Variants in SNX14 observed in about 807,000 individuals in gnomAD.
SNX14 encodes sorting nexin-14.
SNX14 carries 93 observed loss-of-function variants against 133.8 expected under a neutral mutation model. The ratio of observed to expected loss-of-function variants is 0.70; its 90% CI spans 0.59 to 0.83. SNX14 has a LOEUF of 0.83. Among genes scored for constraint, SNX14 ranks in the 40% least tolerant of loss-of-function variants. The pLI, the probability that SNX14 is intolerant of heterozygous loss-of-function variation, is 0.00. For missense variants in SNX14, 945 were observed against 1,094.9 expected, an observed-to-expected ratio of 0.86 and a Z score of 1.93; for synonymous variants, 368 against 365.6, an observed-to-expected ratio of 1.01 and a Z score of -0.07.
Position 85,574,327 on chromosome 6 carries a change from T to A in SNX14, c.192A>T (p.Thr64=), listed in dbSNP as rs772325445. Residue 64 remains threonine, a synonymous_variant, in exon 2 of 29, where the codon ACA becomes ACT. Transcript: ENST00000314673. ...AATCAGGTCCTAGTGAGCAGTAGAA[T>A]GTGACAACTCCAGCAACAAATGACC... The part of the protein sequence containing the change: ...IFWSFVAGVV[T]FYCSLGPDSL... The A allele has an allele frequency of 1.9e-6, 3 of 1,588,046 alleles. No individual in the cohort carries two copies. Among genetic ancestry groups the A allele is most frequent in the Non-Finnish European group, 2.6e-6 (3 of 1,158,638 alleles).
intron 1 of SNX14, among the ~76,000 whole-genome samples, chr6:85,590,494 C>G (rs1802448645): frequency 6.6e-6 from 1 of 152,182 alleles, no homozygotes; most frequent in Non-Finnish European, 1.5e-5. Flanking sequence ...ATATTTAATA[C>G]TTTCTCCTCA....
At chr6:85,527,511 T>C (rs1042696752) in intron 20 of SNX14, among the ~76,000 whole-genome samples, 8 of 152,104 alleles carry the variant, frequency 5.3e-5, no homozygotes, top group African/African-American at 1.9e-4. Flanking sequence ...TCTTTTTGGC[T>C]AGGAAGCATC....
Position 85,505,942 on chromosome 6 carries a change from G to A in SNX14, c.*25C>T, listed in dbSNP as rs1300396942. 2.5e-6 allele frequency: 4 copies of A among 1,569,230 alleles called. No individual in the cohort carries two copies. Among genetic ancestry groups the A allele is most frequent in the Non-Finnish European group, 3.5e-6 (4 of 1,140,074 alleles). ...CCTCGCACAGCAGAAATTTCAATGGGTTATTCTATACCAAATCCAAGTGTT... is the reference window on the plus strand; with the variant it reads ...CCTCGCACAGCAGAAATTTCAATGGATTATTCTATACCAAATCCAAGTGTT... On this transcript the variant is annotated 3_prime_UTR_variant, in exon 29 of 29. Transcript: ENST00000314673.
intron 4 of SNX14, among the ~76,000 whole-genome samples, chr6:85,570,562 A>G (rs1471782721): frequency 6.6e-6 from 1 of 152,214 alleles, no homozygotes; most frequent in Non-Finnish European, 1.5e-5. Context: ...AATATAAAAA[A>G]TGAGATACTT....
At chr6:85,506,900 A>T (rs1770900521) in intron 28 of SNX14, among the ~76,000 whole-genome samples, 1 of 152,196 alleles carries the variant, frequency 6.6e-6, no homozygotes, top group Non-Finnish European at 1.5e-5. Context: ...TGACTTACAC[A>T]GCATACAATG....
chr6:85,539,239 C>G (rs1782856739), intron 15 of SNX14, among the ~76,000 whole-genome samples: 1 of 152,048 alleles, frequency 6.6e-6, no homozygotes, highest in Admixed American at 6.5e-5. Flanking sequence ...TTTCTTTGTC[C>G]TTAGGCATAC....
chr6:85,570,199 C>G (rs930008374), intron 4 of SNX14, among the ~76,000 whole-genome samples: 69 of 152,196 alleles, frequency 4.5e-4, no homozygotes, highest in Non-Finnish European at 1.2e-4. Flanking sequence ...CTTTTAATCA[C>G]TAGGGCCTAG....
chr6:85,514,699 T>A, intron 23 of SNX14, 70 bp from the exon 24 acceptor site: 1 of 1,487,230 alleles, frequency 6.7e-7, no homozygotes, highest in Non-Finnish European at 9.2e-7. Flanking sequence ...TCAATAAGGA[T>A]TAAGTGTCAC....
chr6:85,591,896 C>T (rs1460981208), intron 1 of SNX14, among the ~76,000 whole-genome samples: 6 of 152,120 alleles, frequency 3.9e-5, no homozygotes, highest in African/African-American at 1.4e-4. Context: ...ACCTGTAGTC[C>T]CAGCTATTCT....
intron 1 of SNX14, among the ~76,000 whole-genome samples, chr6:85,591,298 T>C (rs975495787): frequency 6.6e-6 from 1 of 151,932 alleles, no homozygotes; most frequent in African/African-American, 2.4e-5. Context: ...AAAAGCATGC[T>C]ACATACACCA....
intron 28 of SNX14, 168 bp downstream of exon 28, chr6:85,507,065 T>C: frequency 1.6e-6 from 1 of 616,576 alleles, no homozygotes; most frequent in Non-Finnish European, 2.9e-6. Flanking sequence ...CCAGAATTGT[T>C]TGGGCATGTT....
At chr6:85,545,432 A>C (rs1785153336) in intron 12 of SNX14, among the ~76,000 whole-genome samples, 1 of 152,186 alleles carries the variant, frequency 6.6e-6, no homozygotes, top group East Asian at 1.9e-4. Flanking sequence ...TAAACATTTC[A>C]ATCAGATAGA....
intron 20 of SNX14, among the ~76,000 whole-genome samples, chr6:85,526,683 T>C (rs893010488): frequency 6.6e-6 from 1 of 152,172 alleles, no homozygotes; most frequent in Non-Finnish European, 1.5e-5. Context: ...TTTTTAAAAG[T>C]CGGCATAAAG....
At position 85,550,227 on chromosome 6, in the gene SNX14, G is replaced by C. The variant is rs568141109; in HGVS notation, c.635-348C>G. ...GATGTTTCCCAAAAAAATATGTAAC[G>C]AAGTCATTCCTTTCCTAGCCTCTTT... is the stretch of plus-strand genomic sequence containing the variant. On this transcript the variant is annotated intron_variant, in intron 7 of 28. Coordinates refer to ENST00000314673, the MANE Select transcript of SNX14 (RefSeq NM_153816.6). Among the ~76,000 whole-genome samples, 4 of 152,278 alleles carry C rather than the reference G, an allele frequency of 2.6e-5. 1 individual carries two copies. In the South Asian group the frequency reaches 8.3e-4, roughly 32 times the overall value.
chr6:85,541,241 T>C (rs1372371271), intron 15 of SNX14, among the ~76,000 whole-genome samples: 1 of 152,092 alleles, frequency 6.6e-6, no homozygotes, highest in Non-Finnish European at 1.5e-5. Flanking sequence ...GATCCCCACG[T>C]CTCGGCCTCA....
chr6:85,509,637 G>A (rs770968511), intron 26 of SNX14, among the ~76,000 whole-genome samples: 38 of 152,136 alleles, frequency 2.5e-4, no homozygotes, highest in African/African-American at 7.2e-4. Context: ...CAACAAGAGT[G>A]TACATTTGTT....
rs553737097 is a variant in SNX14, at chr6:85,537,470, C to T, written c.1476-546G>A. 2.3e-3 allele frequency among the ~76,000 whole-genome samples: 352 copies of T among 152,182 alleles called. 2 individuals carry two copies. The highest frequency in any genetic ancestry group is 3.5e-3 in the Non-Finnish European group (239 of 68,006). On this transcript the variant is annotated intron_variant, in intron 16 of 28. Transcript: ENST00000314673. ...GCACAGGGATAAAAGCAAATGTAGCCCAAGGAAGCAGTCTGCTCTGCCATA... is the reference window on the plus strand; with the variant it reads ...GCACAGGGATAAAAGCAAATGTAGCTCAAGGAAGCAGTCTGCTCTGCCATA...
chr6:85,530,261 C>A lies in SNX14; in HGVS notation c.1825G>T (p.Glu609Ter). 6.3e-7 allele frequency: 1 copy of A among 1,599,216 alleles called. No homozygotes were observed. The highest frequency in any genetic ancestry group is 1.1e-5 in the South Asian group (1 of 89,076). Residue 609 changes from glutamate to a stop codon, truncating the protein, a stop_gained, in exon 19 of 29, where the codon GAA becomes TAA. Transcript: ENST00000314673. LOFTEE classifies it high-confidence loss of function. ...TATCTTCTATAGACAGACCAATGTT[C>A]AGGCTCGTGTCCAACTGTAAATTGA... ...NDRRAVGHEP[E>*]HWSVYRRYLE...
chr6:85,571,882 G>A (rs886134067), intron 4 of SNX14, among the ~76,000 whole-genome samples: 1 of 152,120 alleles, frequency 6.6e-6, no homozygotes, highest in Non-Finnish European at 1.5e-5. Flanking sequence ...AAAGATGACT[G>A]TTTTCATCTT....
Sources: gnomAD v4.1 joint callset for allele counts (sites outside exome capture counted in the v4.1 genomes callset) on GRCh38, gnomAD v4.1.1 for gene constraint, MANE v1.5 for transcripts, NCBI Gene and HGNC (gene_info 2026-07-23, HGNC 2026-07-21) for gene names.